Variants in DPP6 observed in about 807,000 individuals in gnomAD.
DPP6 encodes A-type potassium channel modulatory protein DPP6.
Under a neutral mutation model 122.6 loss-of-function variants are expected in DPP6, and 69 were observed. That is an observed-to-expected ratio of 0.56 (90% CI 0.46 to 0.69). DPP6 has a LOEUF of 0.69. DPP6 is among the 30% of genes least tolerant of loss of function. The pLI, the probability that DPP6 is intolerant of heterozygous loss-of-function variation, is 0.00. For missense variants in DPP6, 928 were observed against 1,116.9 expected (o/e 0.83, Z 2.41); for synonymous variants, 418 against 433.1 (o/e 0.97, Z 0.43).
Position 154,226,138 on chromosome 7 carries a change from G to A in DPP6, c.243+173075G>A, listed in dbSNP as rs142867377. 2.7e-3 allele frequency among the ~76,000 whole-genome samples: 416 copies of A among 152,222 alleles called. 1 individual carries two copies. The highest frequency in any genetic ancestry group is 9.7e-3 in the African/African-American group (402 of 41,530). ...GAGAAGTGGGAGGAAGAGGAACAGG[G>A]GAGGAGAAACCATGGCCAGAGTTCT... On this transcript the variant is annotated intron_variant, in intron 1 of 25. Coordinates refer to ENST00000377770, the MANE Select transcript of DPP6 (RefSeq NM_130797.4).
At chr7:154,620,828 G>T (rs1402753186) in intron 5 of DPP6, among the ~76,000 whole-genome samples, 1 of 152,146 alleles carries the variant, frequency 6.6e-6, no homozygotes, top group Non-Finnish European at 1.5e-5. Context: ...TGTTTTGGTG[G>T]ACTCCTCCCC....
chr7:154,369,251 C>T (rs1308958900), intron 1 of DPP6, among the ~76,000 whole-genome samples: 4 of 152,178 alleles, frequency 2.6e-5, no homozygotes, highest in Non-Finnish European at 4.4e-5. Flanking sequence ...CGCACCACCA[C>T]GCCCAGCTAG....
the DPP6 span, among the ~76,000 whole-genome samples, chr7:153,832,948 C>A: frequency 1.3e-5 from 2 of 152,158 alleles, no homozygotes; most frequent in African/African-American, 2.4e-5. Flanking sequence ...CTCATGGAAG[C>A]TCAGATGTGG....
At chr7:154,092,109 A>G (rs1052875230) in intron 1 of DPP6, 30 of 152,144 alleles carry the variant, frequency 2.0e-4, no homozygotes, top group African/African-American at 7.2e-4. Context: ...TGTGTATTGT[A>G]TCTGTTTATT....
chr7:154,078,248 A>G (rs570492824), intron 1 of DPP6, among the ~76,000 whole-genome samples: 7 of 152,066 alleles, frequency 4.6e-5, no homozygotes, highest in Admixed American at 6.6e-5. Context: ...TAGCACCACA[A>G]TGAGATTCTG....
the DPP6 span, among the ~76,000 whole-genome samples, chr7:153,863,166 A>G: frequency 6.6e-6 from 1 of 152,146 alleles, no homozygotes; most frequent in Non-Finnish European, 1.5e-5. Flanking sequence ...TTTATTTCCA[A>G]TTTTGATTTC....
In DPP6 at chr7:154,520,668, G is replaced by A. The variant is rs902887716; in HGVS notation, c.458-19864G>A. Among the ~76,000 whole-genome samples the A allele has an allele frequency of 5.9e-5, 9 of 152,314 alleles. 1 individual carries two copies. The highest frequency in any genetic ancestry group is 4.6e-4 in the Admixed American group (7 of 15,296). On this transcript the variant is annotated intron_variant, in intron 3 of 25. Coordinates refer to ENST00000377770, the MANE Select transcript of DPP6 (RefSeq NM_130797.4). The stretch of plus-strand genomic sequence containing the variant: ...ATAGATAAGGTAAGGTGGAGGCTTG[G>A]CTCCATTGGAAATGCTGAAATGAAT...
intron 4 of DPP6, among the ~76,000 whole-genome samples, chr7:154,549,867 G>A (rs1829502517): frequency 6.6e-6 from 1 of 152,062 alleles, no homozygotes; most frequent in Non-Finnish European, 1.5e-5. Flanking sequence ...CCTTAACTGT[G>A]GAGGCATAGT....
At chr7:154,462,968 A>AT (rs919081688) in intron 2 of DPP6, among the ~76,000 whole-genome samples, 13 of 151,700 alleles carry the variant, frequency 8.6e-5, no homozygotes, top group African/African-American at 2.4e-4. Context: ...ACTTTGCTGA[A>AT]TTTTTTTATC....
intron 6 of DPP6, among the ~76,000 whole-genome samples, chr7:154,658,207 T>C (rs1420613197): frequency 6.6e-6 from 1 of 152,152 alleles, no homozygotes; most frequent in Non-Finnish European, 1.5e-5. Flanking sequence ...TCAATATTGG[T>C]TTATCAATTA....
intron 3 of DPP6, among the ~76,000 whole-genome samples, chr7:154,477,164 A>G (rs1259389666): frequency 1.3e-5 from 2 of 152,106 alleles, no homozygotes; most frequent in Non-Finnish European, 2.9e-5. Context: ...CATTCACTTT[A>G]AGCTATTACG....
intron 7 of DPP6, among the ~76,000 whole-genome samples, chr7:154,671,967 A>G (rs114387176): frequency 1.1e-3 from 163 of 152,050 alleles, no homozygotes; most frequent in African/African-American, 3.9e-3. Context: ...GCCTGTAGAC[A>G]TGTCTCTCTC....
In DPP6 at chr7:154,060,086, T is replaced by C. The variant is rs528580571; in HGVS notation, c.243+7023T>C. 6.1e-5 allele frequency among the ~76,000 whole-genome samples: 9 copies of C among 146,772 alleles called. No homozygotes were observed. The South Asian group carries it at 1.8e-3, about 29-fold the overall frequency. On this transcript the variant is annotated intron_variant, in intron 1 of 25. Transcript: ENST00000377770. ...CCCCCCCTGGCTCTTGGGACCACCA[T>C]CGCAGGGGGGGAGGCAATCCTCCCG...
intron 1 of DPP6, among the ~76,000 whole-genome samples, chr7:153,990,551 C>T (rs562691516): frequency 1.9e-4 from 29 of 152,150 alleles, no homozygotes; most frequent in Middle Eastern, 3.4e-3. Context: ...AGTACCAGTT[C>T]CTATTGTTTG....
At chr7:153,821,452 T>C in the DPP6 span, among the ~76,000 whole-genome samples, 33,274 of 111,340 alleles carry the variant, frequency 0.3, 4,948 homozygotes, top group Middle Eastern at 0.37. Context: ...AGCTATATAA[T>C]GAGTTGTATT....
chr7:154,177,917 G>A (rs1235502403), intron 1 of DPP6, among the ~76,000 whole-genome samples: 1 of 152,194 alleles, frequency 6.6e-6, no homozygotes, highest in Non-Finnish European at 1.5e-5. Flanking sequence ...GGCCCAGAGA[G>A]GTAAGGTGAG....
chr7:154,551,602 T>C (rs1829641677), intron 4 of DPP6, among the ~76,000 whole-genome samples: 1 of 152,206 alleles, frequency 6.6e-6, no homozygotes, highest in Non-Finnish European at 1.5e-5. Flanking sequence ...TATCATTCAT[T>C]AGTTTCAGTT....
At chr7:154,097,602 A>G (rs892010346) in intron 1 of DPP6, among the ~76,000 whole-genome samples, 3 of 152,264 alleles carry the variant, frequency 2.0e-5, no homozygotes, top group East Asian at 1.9e-4. Context: ...AGACACTTAT[A>G]TAATAAATTA....
chr7:154,124,377 C>A (rs564632913), intron 1 of DPP6, among the ~76,000 whole-genome samples: 1 of 152,178 alleles, frequency 6.6e-6, no homozygotes. Flanking sequence ...AGGGACACTG[C>A]ATCTCCAGAG....
Sources: allele counts gnomAD v4.1 joint callset (sites outside exome capture counted in the v4.1 genomes callset), GRCh38; gene constraint gnomAD v4.1.1; transcripts MANE v1.5; gene names NCBI Gene and HGNC (gene_info 2026-07-23, HGNC 2026-07-21).